The following GRK3 variants were observed in gnomAD, a reference collection of about 807,000 sequenced individuals.
GRK3 encodes G protein-coupled receptor kinase 3, also known as adrenergic, beta, receptor kinase 2.
In GRK3, 54 loss-of-function variants were observed where a neutral mutation model predicts 95.7. The observed-to-expected ratio is 0.56, with a 90% CI of 0.45 to 0.71. The LOEUF (loss-of-function observed/expected upper bound fraction) is 0.71, where lower values mean the gene tolerates loss of function less well. Ranked by LOEUF, GRK3 falls within the 30% of genes least tolerant of loss-of-function variation. GRK3 has a pLI of 0.00. For synonymous variants in GRK3, 281 were observed against 290.8 expected, an observed-to-expected ratio of 0.97 and a Z score of 0.34; for missense variants, 649 against 851.2, an observed-to-expected ratio of 0.76 and a Z score of 2.96.
At chr22:25,600,106 C>T (rs2084398827) in intron 1 of GRK3, among the ~76,000 whole-genome samples, 1 of 151,038 alleles carries the variant, frequency 6.6e-6, no homozygotes, top group East Asian at 1.9e-4. Flanking sequence ...CAGTCAGCTG[C>T]CCATATCTGT....
rs2085485306 is a variant in GRK3, at chr22:25,727,644, C to G, written c.*5194C>G. ...AATCCTTCAATTTAGAGTTAAATAA[C>G]TCAGCTTTGTATAGTAGAGTTAGCG... On this transcript the variant is annotated 3_prime_UTR_variant, in exon 21 of 21. Transcript: ENST00000324198. 6.6e-6 allele frequency: 1 copy of G among 152,190 alleles called. No individual in the cohort carries two copies. 9.4% of individuals were successfully genotyped at this position (152,190 alleles called of 1,614,324 possible).
chr22:25,636,671 C>G (rs2084703870), intron 2 of GRK3, among the ~76,000 whole-genome samples: 1 of 152,120 alleles, frequency 6.6e-6, no homozygotes, highest in Non-Finnish European at 1.5e-5. Context: ...CAGAATATTT[C>G]CATTCTTAGA....
rs148856298 is a variant in GRK3, at chr22:25,691,705, T to A, written c.1052+1422T>A. Among the ~76,000 whole-genome samples, 133 of 152,354 alleles carry A rather than the reference T, an allele frequency of 8.7e-4. 1 individual carries two copies. The Middle Eastern group carries it at 0.027, about 31-fold the overall frequency. On this transcript the variant is annotated intron_variant, in intron 12 of 20. Transcript: ENST00000324198. Reference sequence around the variant, plus strand: ...TAGTATAGTCATAACTAAATATGAATCCAAGAGTTCATAAGAAATAATCTT... The same window carrying A: ...TAGTATAGTCATAACTAAATATGAAACCAAGAGTTCATAAGAAATAATCTT...
chr22:25,634,913 T>C (rs1185804113), intron 2 of GRK3, among the ~76,000 whole-genome samples: 1 of 152,236 alleles, frequency 6.6e-6, no homozygotes, highest in Non-Finnish European at 1.5e-5. Flanking sequence ...CCGCTTTTCT[T>C]ATAACTTTGT....
chr22:25,663,794 A>C (rs1266736258), intron 5 of GRK3, 90 bp downstream of exon 5: 2 of 871,076 alleles, frequency 2.3e-6, no homozygotes, highest in African/African-American at 3.4e-5. Flanking sequence ...ATTACACTAG[A>C]GGACTTGCTT....
At chr22:25,686,275 C>T (rs113057940) in intron 10 of GRK3, among the ~76,000 whole-genome samples, 4,809 of 151,782 alleles carry the variant, frequency 0.032, 95 homozygotes, top group Middle Eastern at 0.061. Flanking sequence ...AATTTCACAG[C>T]GTAATAATGA....
chr22:25,609,557 C>T (rs1217391984), intron 2 of GRK3, among the ~76,000 whole-genome samples: 1 of 152,058 alleles, frequency 6.6e-6, no homozygotes, highest in Non-Finnish European at 1.5e-5. Flanking sequence ...GTCTCAAGCT[C>T]CTGACCTTGT....
chr22:25,601,683 AG>A (rs1315236862), intron 1 of GRK3, among the ~76,000 whole-genome samples: 2 of 152,260 alleles, frequency 1.3e-5, no homozygotes, highest in East Asian at 3.9e-4. Context: ...GCACATACTT[AG>A]TGTTGAACCA....
At chr22:25,581,437 A>G (rs1331594184) in intron 1 of GRK3, 1 of 152,238 alleles carries the variant, frequency 6.6e-6, no homozygotes, top group Admixed American at 6.5e-5. Flanking sequence ...ATGCAAGTGT[A>G]CTGCATCTCA....
chr22:25,711,701 AT>A (rs1409909988), intron 17 of GRK3, among the ~76,000 whole-genome samples: 1 of 152,034 alleles, frequency 6.6e-6, no homozygotes. Flanking sequence ...ATGAGAGAAG[AT>A]CATTCTGTTT....
intron 9 of GRK3, among the ~76,000 whole-genome samples, chr22:25,682,074 G>A (rs76177579): frequency 2.6e-5 from 4 of 152,206 alleles, no homozygotes; most frequent in Admixed American, 6.5e-5. Context: ...CTTCACCTGC[G>A]TGTTTATTTT....
chr22:25,693,579 G>A (rs1213251788), intron 12 of GRK3, among the ~76,000 whole-genome samples: 1 of 151,988 alleles, frequency 6.6e-6, no homozygotes, highest in South Asian at 2.1e-4. Context: ...CTTTAGGTTC[G>A]GGCTGATTGA....
chr22:25,592,327 T>C lies in GRK3; in HGVS notation c.114-12050T>C, dbSNP rs112707393. Among the ~76,000 whole-genome samples, 698 of 152,346 alleles carry C rather than the reference T, an allele frequency of 4.6e-3. 4 individuals carry two copies. The highest frequency in any genetic ancestry group is 0.016 in the African/African-American group (674 of 41,578). On this transcript the variant is annotated intron_variant, in intron 1 of 20. Coordinates refer to ENST00000324198, the MANE Select transcript of GRK3 (RefSeq NM_005160.4). ...ATCATTTGCCCATTTTTTATTAGGT[T>C]ATTTTCTTATTCTTGAGCTTTAAAG...
rs2084688886 is a variant in GRK3, at chr22:25,634,923, T to C, written c.191-9669T>C. 1.3e-5 allele frequency among the ~76,000 whole-genome samples: 2 copies of C among 152,260 alleles called. 1 individual carries two copies. The highest frequency in any genetic ancestry group is 4.1e-4 in the South Asian group (2 of 4,836). Reference sequence around the variant, plus strand: ...TTTTGCCGCTTTTCTTATAACTTTGTATTTTGATATGCATTTTAAAATTAT... The same window carrying C: ...TTTTGCCGCTTTTCTTATAACTTTGCATTTTGATATGCATTTTAAAATTAT... On this transcript the variant is annotated intron_variant, in intron 2 of 20. Transcript: ENST00000324198.
At chr22:25,641,284 A>G (rs908745729) in intron 2 of GRK3, among the ~76,000 whole-genome samples, 2 of 151,214 alleles carry the variant, frequency 1.3e-5, no homozygotes, top group Non-Finnish European at 3.0e-5. Flanking sequence ...CATTCATTCA[A>G]CTCCCTCTTT....
chr22:25,570,757 T>C (rs1304133567), intron 1 of GRK3, among the ~76,000 whole-genome samples: 1 of 152,220 alleles, frequency 6.6e-6, no homozygotes, highest in African/African-American at 2.4e-5. Context: ...TTTTTTAATC[T>C]TCCCTTCCTA....
At chr22:25,674,342 A>G in intron 7 of GRK3, 95 bp from the exon 8 acceptor site, 2 of 986,764 alleles carry the variant, frequency 2.0e-6, no homozygotes, top group South Asian at 3.1e-5. Flanking sequence ...TCAGATTGCT[A>G]TTTTAATTAC....
At position 25,575,522 on chromosome 22, in the gene GRK3, G is replaced by GC. The variant is rs199714204; in HGVS notation, c.113+10370dup. Among the ~76,000 whole-genome samples the GC allele has an allele frequency of 6.3e-3, 956 of 152,198 alleles. 10 individuals carry two copies. The highest frequency in any genetic ancestry group is 0.022 in the African/African-American group (899 of 41,496). Reference sequence around the variant, plus strand: ...TCTAGATCTGTAGTTATAAAGGTTAGCTCATTAAACCCAGTGACAGTAGAT... The same window carrying GC: ...TCTAGATCTGTAGTTATAAAGGTTAGCCTCATTAAACCCAGTGACAGTAGAT... On this transcript the variant is annotated intron_variant, in intron 1 of 20. Transcript: ENST00000324198.
chr22:25,578,108 AT>A (rs1312630363), intron 1 of GRK3, among the ~76,000 whole-genome samples: 1 of 152,222 alleles, frequency 6.6e-6, no homozygotes, highest in Non-Finnish European at 1.5e-5. Flanking sequence ...GTAAGATCAA[AT>A]TTGAATTGGA....
Sources: allele counts gnomAD v4.1 joint callset (sites outside exome capture counted in the v4.1 genomes callset), GRCh38; gene constraint gnomAD v4.1.1; transcripts MANE v1.5; gene names NCBI Gene and HGNC (gene_info 2026-07-23, HGNC 2026-07-21).